STRBP: variants seen among roughly 807,000 people sequenced by gnomAD.
STRBP encodes the protein spermatid perinuclear RNA binding protein, also known as spermatid perinuclear RNA-binding protein.
Under a neutral mutation model 80.1 loss-of-function variants are expected in STRBP, and 13 were observed. That is an observed-to-expected ratio of 0.16 (90% CI 0.11 to 0.26). STRBP has a LOEUF of 0.26. Among genes scored for constraint, STRBP ranks in the 10% least tolerant of loss-of-function variants. The pLI is 1.00. For missense variants in STRBP, 485 were observed against 815.2 expected (o/e 0.59, Z 4.93); for synonymous variants, 284 against 291.2 (o/e 0.98, Z 0.25).
chr9:123,115,299 A>C lies in STRBP; in HGVS notation c.*84+630T>G, dbSNP rs774699913. On this transcript the variant is annotated intron_variant and NMD_transcript_variant, in intron 3 of 3. Transcript: ENST00000471564. The surrounding 1 kb of genome is among the most constrained non-coding windows in gnomAD (Gnocchi z 5.0). ...TATCGCTCTTGGTAAATTACTCAGTAAGCACTTCTCTCCTGAGGCCTGGCT... is the reference window on the plus strand; with the variant it reads ...TATCGCTCTTGGTAAATTACTCAGTCAGCACTTCTCTCCTGAGGCCTGGCT... 5 of 470,898 alleles carry C rather than the reference A, an allele frequency of 1.1e-5. No homozygotes were observed. Among genetic ancestry groups the C allele is most frequent in the Non-Finnish European group, 2.2e-5 (5 of 227,022 alleles). 29.2% of individuals were successfully genotyped at this position (470,898 alleles called of 1,614,324 possible). A position where few individuals can be genotyped will look rare whatever the true frequency, so the allele number is the denominator to read the frequency against.
In STRBP at chr9:123,262,309, C is replaced by T. The variant is rs189598480; in HGVS notation, c.-302+6127G>A. On this transcript the variant is annotated intron_variant, in intron 1 of 18. Transcript: ENST00000348403. ...GTAAGAAAAAAATAGAGACAGAGCC[C>T]TTTAGGACAATTACTAGTCACTATA... Among the ~76,000 whole-genome samples, 268 of 152,222 alleles carry T rather than the reference C, an allele frequency of 1.8e-3. 1 individual carries two copies. Among genetic ancestry groups the T allele is most frequent in the African/African-American group, 6.3e-3 (262 of 41,532 alleles).
chr9:123,171,312 A>G (rs1415581813), intron 5 of STRBP, among the ~76,000 whole-genome samples: 2 of 152,166 alleles, frequency 1.3e-5, no homozygotes, highest in East Asian at 1.9e-4. Context: ...GCATCCTAGG[A>G]AAGAGTATGA....
In STRBP at chr9:123,228,686, T is replaced by C. The variant is rs552058271; in HGVS notation, c.-165+8144A>G. Among the ~76,000 whole-genome samples, 9 of 152,270 alleles carry C rather than the reference T, an allele frequency of 5.9e-5. No homozygotes were observed. In the East Asian group the frequency reaches 1.5e-3, roughly 26 times the overall value. ...TTTGGGAAATAGAGGAAAAACCTGATTAAAGTTGGCTTAAGAGAGAACAAG... is the reference window on the plus strand; with the variant it reads ...TTTGGGAAATAGAGGAAAAACCTGACTAAAGTTGGCTTAAGAGAGAACAAG... On this transcript the variant is annotated intron_variant, in intron 2 of 18. Transcript: ENST00000348403.
chr9:123,227,405 G>A (rs2040269298), intron 2 of STRBP, among the ~76,000 whole-genome samples: 1 of 152,108 alleles, frequency 6.6e-6, no homozygotes, highest in Non-Finnish European at 1.5e-5. Context: ...AATGCAGTAA[G>A]CCAAAGGATA....
chr9:123,235,637 G>C (rs914658153), intron 2 of STRBP, among the ~76,000 whole-genome samples: 5 of 141,062 alleles, frequency 3.5e-5, no homozygotes, highest in African/African-American at 1.3e-4. Context: ...AGAGCTATTG[G>C]TTGGTCATTA....
intron 2 of STRBP, among the ~76,000 whole-genome samples, chr9:123,236,591 T>G (rs1019462476): frequency 6.6e-6 from 1 of 151,664 alleles, no homozygotes; most frequent in Non-Finnish European, 1.5e-5. Flanking sequence ...TTGGTGATAT[T>G]AGACACCCTA....
chr9:123,170,501 A>G (rs1019705037), intron 5 of STRBP, among the ~76,000 whole-genome samples: 27 of 152,240 alleles, frequency 1.8e-4, no homozygotes, highest in African/African-American at 6.3e-4. Flanking sequence ...ATATAGGATT[A>G]TGGAGCTTTT....
At chr9:123,135,276 T>G (rs941678657) in intron 16 of STRBP, among the ~76,000 whole-genome samples, 2 of 152,204 alleles carry the variant, frequency 1.3e-5, no homozygotes, top group African/African-American at 4.8e-5. Flanking sequence ...AATCTAAGCT[T>G]CTTTTTATTA....
intron 6 of STRBP, 21 bp downstream of exon 6, chr9:123,169,873 CATATATAT>C: frequency 1.0e-6 from 1 of 992,328 alleles, no homozygotes. Context: ...CAAATATATA[CATATATAT>C]ATATATATAT....
At chr9:123,220,667 A>C (rs2040038414) in intron 2 of STRBP, among the ~76,000 whole-genome samples, 1 of 152,198 alleles carries the variant, frequency 6.6e-6, no homozygotes, top group Admixed American at 6.5e-5. Context: ...ATAGACTCCA[A>C]CAAGTCAACA....
chr9:123,133,116 ATCTG>A, intron 16 of STRBP, 148 bp from the exon 17 acceptor site: 2 of 954,290 alleles, frequency 2.1e-6, no homozygotes, highest in Non-Finnish European at 3.0e-6. Flanking sequence ...TCAATTTATC[ATCTG>A]AAAAACAAAA....
chr9:123,122,615 G>C lies in STRBP; in HGVS notation c.*2982C>G. On this transcript the variant is annotated 3_prime_UTR_variant, in exon 19 of 19. Transcript: ENST00000348403. ...GCATGAGGTATGTTGGAAATCTACTGGACCAATTACCTTGCACAAGAGATG... is the reference window on the plus strand; with the variant it reads ...GCATGAGGTATGTTGGAAATCTACTCGACCAATTACCTTGCACAAGAGATG... 1 of 1,067,674 alleles carries C rather than the reference G, an allele frequency of 9.4e-7. No individual in the cohort carries two copies. Among genetic ancestry groups the C allele is most frequent in the Non-Finnish European group, 1.1e-6 (1 of 880,350 alleles). The allele number at this position is 1,067,674 out of a possible 1,614,324, so 66.1% of individuals were successfully genotyped here.
chr9:123,202,971 C>T (rs55689251), intron 2 of STRBP, among the ~76,000 whole-genome samples: 4 of 152,308 alleles, frequency 2.6e-5, no homozygotes, highest in East Asian at 1.9e-4. Flanking sequence ...TATACATTGC[C>T]TTCCAACTAG....
At position 123,148,138 on chromosome 9, in the gene STRBP, T is replaced by A. The variant is rs368502337; in HGVS notation, c.1046-268A>T. ...ACCAATATCTATGTCTATGATATGGTCTGAATGTGTCCCCCCAAAATTCAT... is the reference window on the plus strand; with the variant it reads ...ACCAATATCTATGTCTATGATATGGACTGAATGTGTCCCCCCAAAATTCAT... On this transcript the variant is annotated intron_variant, in intron 11 of 18. Transcript: ENST00000348403. Among the ~76,000 whole-genome samples the A allele has an allele frequency of 3.7e-4, 57 of 152,316 alleles. 2 individuals carry two copies. In the South Asian group the frequency reaches 0.011, roughly 29 times the overall value.
At chr9:123,211,291 A>C (rs903633958) in intron 2 of STRBP, among the ~76,000 whole-genome samples, 7 of 152,262 alleles carry the variant, frequency 4.6e-5, no homozygotes, top group African/African-American at 1.7e-4. Flanking sequence ...ATTACATCAT[A>C]GAATAACCTT....
In STRBP at chr9:123,123,929, A is replaced by C. The variant is rs1248198186; in HGVS notation, c.*1668T>G. On this transcript the variant is annotated 3_prime_UTR_variant, in exon 19 of 19. Coordinates refer to ENST00000348403, the MANE Select transcript of STRBP (RefSeq NM_018387.5). Reference sequence around the variant, plus strand: ...TGGGCCCTCTTGTTTATGTCTAGCCACTAATGCACAGGATGAGAATGATAA... The same window carrying C: ...TGGGCCCTCTTGTTTATGTCTAGCCCCTAATGCACAGGATGAGAATGATAA... 2 of 985,312 alleles carry C rather than the reference A, an allele frequency of 2.0e-6. No homozygotes were observed. The highest frequency in any genetic ancestry group is 1.2e-6 in the Non-Finnish European group (1 of 829,938). 61.0% of individuals were successfully genotyped at this position (985,312 alleles called of 1,614,324 possible).
intron 2 of STRBP, among the ~76,000 whole-genome samples, chr9:123,229,832 G>A (rs1360954156): frequency 1.3e-5 from 2 of 152,138 alleles, no homozygotes; most frequent in Admixed American, 6.5e-5. Context: ...CAGAGTGAAT[G>A]GGCCAGGTAC....
intron 4 of STRBP, 55 bp downstream of exon 4, chr9:123,178,952 T>C: frequency 6.4e-7 from 1 of 1,558,826 alleles, no homozygotes. Context: ...CCAGCAGACC[T>C]TAGAGCTTTG....
chr9:123,136,396 C>T lies in STRBP; in HGVS notation c.1617G>A (p.Lys539=). The T allele has an allele frequency of 6.2e-7, 1 of 1,614,058 alleles. No individual in the cohort carries two copies. Among genetic ancestry groups the T allele is most frequent in the South Asian group, 1.1e-5 (1 of 91,070 alleles). ...GGGTACACACCTCCATTACAAAGCG[C>T]TTGTCATGGCTTCCACCAGTCTCTG... ...LISETGGSHD[K]RFVMEVEVDG... Residue 539 remains lysine, a synonymous_variant, in exon 15 of 19, where the codon AAG becomes AAA. Transcript: ENST00000348403. This position sits in a 1 kb window ranked among gnomAD's most constrained non-coding sequence, Gnocchi z 4.2.
Sources: gnomAD v4.1 joint callset for allele counts (sites outside exome capture counted in the v4.1 genomes callset) on GRCh38, gnomAD v4.1.1 for gene constraint, Gnocchi (gnomAD v3.1) non-coding constraint, MANE v1.5 for transcripts, NCBI Gene and HGNC (gene_info 2026-07-23, HGNC 2026-07-21) for gene names.